UMAD1: variants seen among roughly 807,000 people sequenced by gnomAD.
The protein encoded by UMAD1 is UBAP1-MVB12-associated (UMA)-domain containing protein 1.
In UMAD1, 8 loss-of-function variants were observed where a neutral mutation model predicts 6.1. The observed-to-expected ratio is 1.30, with a 90% CI of 0.76 to 2.35. UMAD1 has a LOEUF of 2.35. Ranked by LOEUF, UMAD1 falls within the 30% of genes most tolerant of loss-of-function variation. UMAD1 has a pLI of 0.00. For synonymous variants in UMAD1, 56 were observed against 31.4 expected, an observed-to-expected ratio of 1.78 and a Z score of -2.61; for missense variants, 130 against 78.4, an observed-to-expected ratio of 1.66 and a Z score of -2.49.
chr7:7,783,030 A>T (rs942942047), intron 2 of UMAD1, among the ~76,000 whole-genome samples: 1 of 152,128 alleles, frequency 6.6e-6, no homozygotes, highest in Non-Finnish European at 1.5e-5. Flanking sequence ...ATCGTGCCCA[A>T]CCTAGTGTAT....
rs187202125 is a variant in UMAD1 at position 7,772,732 on chromosome 7, G to A, written c.83-28938G>A. On this transcript the variant is annotated intron_variant, in intron 2 of 3. Coordinates refer to ENST00000682710, the MANE Select transcript of UMAD1 (RefSeq NM_001302348.2). ...CTCGTGAAATGGAGCAGCTGCGCCC[G>A]TTTTCTCTGGGCTCACAAAAACATT... Among the ~76,000 whole-genome samples, 101 of 152,258 alleles carry A rather than the reference G, an allele frequency of 6.6e-4. 1 individual carries two copies. The South Asian group carries it at 7.1e-3, about 11-fold the overall frequency.
chr7:7,795,936 A>G (rs1782667833), intron 2 of UMAD1, among the ~76,000 whole-genome samples: 1 of 152,088 alleles, frequency 6.6e-6, no homozygotes. Flanking sequence ...AAGAATGTCT[A>G]ACCTCCTGGG....
intron 3 of UMAD1, among the ~76,000 whole-genome samples, chr7:7,876,362 G>A (rs573209368): frequency 1.8e-4 from 28 of 152,316 alleles, no homozygotes; most frequent in African/African-American, 6.7e-4. Flanking sequence ...TGGCGAAGGA[G>A]CTAGTAGGCC....
At chr7:7,744,950 A>G (rs912019067) in intron 2 of UMAD1, among the ~76,000 whole-genome samples, 1 of 152,204 alleles carries the variant, frequency 6.6e-6, no homozygotes, top group African/African-American at 2.4e-5. Flanking sequence ...AAATCTGTGT[A>G]TAAGTTTTGA....
chr7:7,852,491 T>C (rs1448942417), intron 3 of UMAD1, among the ~76,000 whole-genome samples: 2 of 152,180 alleles, frequency 1.3e-5, no homozygotes, highest in African/African-American at 4.8e-5. Context: ...AGACCAGCTT[T>C]AAGTTGGGGT....
rs1783371809 is a variant in UMAD1, at chr7:7,827,479, A to T, written c.156+25736A>T. On this transcript the variant is annotated intron_variant, in intron 3 of 3. Transcript: ENST00000682710. ...TTTAAAATATTTTTAGTATTTTAAA[A>T]TATTATTTATCCACAGTTTTAAAAT... 1.3e-5 allele frequency among the ~76,000 whole-genome samples: 2 copies of T among 152,080 alleles called. 1 individual carries two copies. The highest frequency in any genetic ancestry group is 4.1e-4 in the South Asian group (2 of 4,824).
intron 2 of UMAD1, among the ~76,000 whole-genome samples, chr7:7,719,881 G>C (rs1319581048): frequency 6.6e-6 from 1 of 152,170 alleles, no homozygotes; most frequent in Non-Finnish European, 1.5e-5. Context: ...AGTGTACTGT[G>C]TTTAAGTGGT....
In UMAD1 at chr7:7,878,406, T is replaced by A. The variant is rs931539675; in HGVS notation, c.*868T>A. The A allele has an allele frequency of 1.3e-5, 2 of 152,240 alleles. No individual in the cohort carries two copies. The highest frequency in any genetic ancestry group is 4.8e-5 in the African/African-American group (2 of 41,472). The allele number at this position is 152,240 out of a possible 1,614,324, so 9.4% of individuals were successfully genotyped here. A position where few individuals can be genotyped will look rare whatever the true frequency, so the allele number is the denominator to read the frequency against. On this transcript the variant is annotated 3_prime_UTR_variant, in exon 4 of 4. Coordinates refer to ENST00000682710, the MANE Select transcript of UMAD1 (RefSeq NM_001302348.2). Reference sequence around the variant, plus strand: ...CTGATAACACCCTTATTTAGAAATTTGTTGGCCACAATAGAGATGGAAATG... The same window carrying A: ...CTGATAACACCCTTATTTAGAAATTAGTTGGCCACAATAGAGATGGAAATG...
chr7:7,694,297 C>A (rs893933299), intron 2 of UMAD1, among the ~76,000 whole-genome samples: 1 of 152,020 alleles, frequency 6.6e-6, no homozygotes, highest in Admixed American at 6.5e-5. Context: ...GATTTTGATA[C>A]AGGCATACAC....
chr7:7,818,439 G>A (rs549117541), intron 3 of UMAD1, among the ~76,000 whole-genome samples: 1 of 152,146 alleles, frequency 6.6e-6, no homozygotes, highest in African/African-American at 2.4e-5. Context: ...GATCATCAGT[G>A]AAATGCAAAT....
chr7:7,662,531 C>G (rs117494699), intron 1 of UMAD1, among the ~76,000 whole-genome samples: 4,658 of 152,258 alleles, frequency 0.031, 121 homozygotes, highest in South Asian at 0.11. Flanking sequence ...CTGTTCCTCA[C>G]CGCACAGTCC....
intron 2 of UMAD1, among the ~76,000 whole-genome samples, chr7:7,767,761 C>T (rs1468970245): frequency 6.6e-6 from 1 of 152,150 alleles, no homozygotes; most frequent in Non-Finnish European, 1.5e-5. Context: ...CTCTGTATTA[C>T]ATATAAAGAA....
At chr7:7,783,023 G>A (rs1315715440) in intron 2 of UMAD1, among the ~76,000 whole-genome samples, 8 of 152,126 alleles carry the variant, frequency 5.3e-5, no homozygotes, top group Non-Finnish European at 1.0e-4. Flanking sequence ...ATGAGGCATC[G>A]TGCCCAACCT....
chr7:7,851,766 A>C (rs532037127), intron 3 of UMAD1, among the ~76,000 whole-genome samples: 1 of 152,332 alleles, frequency 6.6e-6, no homozygotes, highest in South Asian at 2.1e-4. Context: ...TCTAAAAAAT[A>C]TATTCTAGAT....
At chr7:7,805,799 A>C (rs1282976828) in intron 3 of UMAD1, among the ~76,000 whole-genome samples, 2 of 152,168 alleles carry the variant, frequency 1.3e-5, no homozygotes, top group African/African-American at 4.8e-5. Flanking sequence ...TTATCATTCA[A>C]GTGTCACTTT....
At chr7:7,725,291 G>A (rs1048140372) in intron 2 of UMAD1, among the ~76,000 whole-genome samples, 1 of 152,324 alleles carries the variant, frequency 6.6e-6, no homozygotes, top group Non-Finnish European at 1.5e-5. Flanking sequence ...GCCAGTTTGA[G>A]TGGGGTCCAG....
chr7:7,690,877 T>C (rs1214287608), intron 2 of UMAD1, among the ~76,000 whole-genome samples: 2 of 152,222 alleles, frequency 1.3e-5, no homozygotes, highest in East Asian at 1.9e-4. Context: ...TTATGACTTA[T>C]ACCTGTTATG....
intron 2 of UMAD1, among the ~76,000 whole-genome samples, chr7:7,686,784 G>T (rs1354089970): frequency 6.6e-6 from 1 of 152,210 alleles, no homozygotes; most frequent in African/African-American, 2.4e-5. Context: ...TAGGTGTGAA[G>T]ATTATGATGA....
chr7:7,788,500 A>G (rs1378042017), intron 2 of UMAD1, among the ~76,000 whole-genome samples: 4 of 151,996 alleles, frequency 2.6e-5, no homozygotes, highest in Non-Finnish European at 5.9e-5. Flanking sequence ...ATACCTTTCT[A>G]TATTTCTGAT....
Sources: gnomAD v4.1 joint callset for allele counts (sites outside exome capture counted in the v4.1 genomes callset) on GRCh38, gnomAD v4.1.1 for gene constraint, MANE v1.5 for transcripts, NCBI Gene and HGNC (gene_info 2026-07-23, HGNC 2026-07-21) for gene names.